Variants in TMEM62 observed in about 807,000 individuals in gnomAD.
The protein encoded by TMEM62 is transmembrane protein 62.
In TMEM62, 41 loss-of-function variants were observed where a neutral mutation model predicts 70.4. That is an observed-to-expected ratio of 0.58 (90% CI 0.45 to 0.76). TMEM62 has a LOEUF of 0.76. TMEM62 is among the 30% of genes least tolerant of loss of function. The pLI, the probability that TMEM62 is intolerant of heterozygous loss-of-function variation, is 0.00. For synonymous variants in TMEM62, 268 were observed against 291.0 expected, an observed-to-expected ratio of 0.92 and a Z score of 0.80; for missense variants, 688 against 788.5, an observed-to-expected ratio of 0.87 and a Z score of 1.53.
intron 9 of TMEM62, among the ~76,000 whole-genome samples, chr15:43,158,265 AT>A (rs1372588688): frequency 6.6e-6 from 1 of 152,110 alleles, no homozygotes; most frequent in Non-Finnish European, 1.5e-5. Context: ...TCTTTCTATA[AT>A]GTTAAGATGG....
chr15:43,168,181 G>GA (rs1350209396), intron 10 of TMEM62, among the ~76,000 whole-genome samples: 1 of 114,346 alleles, frequency 8.7e-6, no homozygotes. Context: ...GACGGAGACG[G>GA]AGAGGGAGAG....
chr15:43,160,648 T>C (rs2038587494), intron 9 of TMEM62, 33 bp from the exon 10 acceptor site: 1 of 1,204,530 alleles, frequency 8.3e-7, no homozygotes, highest in South Asian at 1.3e-5. Context: ...TCCATGTACA[T>C]GAAAGTTACT....
intron 10 of TMEM62, among the ~76,000 whole-genome samples, chr15:43,167,871 C>T (rs992914263): frequency 1.3e-5 from 2 of 152,128 alleles, no homozygotes; most frequent in Admixed American, 6.5e-5. Context: ...TCTGCAATCC[C>T]GGCACCTCGG....
rs548169021 is a variant in TMEM62, at chr15:43,177,155, C to T, written c.1382-1452C>T. 1.3e-4 allele frequency among the ~76,000 whole-genome samples: 20 copies of T among 152,032 alleles called. No individual in the cohort carries two copies. In the South Asian group the frequency reaches 1.9e-3, roughly 14 times the overall value. The stretch of plus-strand genomic sequence containing the variant: ...TTAGAGAAAAAAGAATAAAAAGAAA[C>T]GAGCAAAGCCTCCAAGAAATATGGG... On this transcript the variant is annotated intron_variant, in intron 11 of 13. Transcript: ENST00000260403.
chr15:43,184,579 G>A lies in TMEM62; in HGVS notation c.1925G>A (p.Ser642Asn), dbSNP rs889602284. The A allele has an allele frequency of 7.5e-6, 12 of 1,608,672 alleles. No homozygotes were observed. The highest frequency in any genetic ancestry group is 1.7e-5 in the Admixed American group (1 of 59,996). The change falls in exon 14 of 14, where the codon AGC becomes AAC. Residue 642 changes from serine to asparagine, a missense_variant. Ser to Asn is a conservative substitution (Grantham distance 46). Coordinates refer to ENST00000260403, the MANE Select transcript of TMEM62 (RefSeq NM_024956.4). ...ATGGTGCAGTTAAAAAGCCACCTGA[G>A]CTCCTGAAGGCCATGTCTCACCACT... The part of the protein sequence containing the change: ...IFMVQLKSHL[S>N]S
chr15:43,144,073 T>C (rs2036383834), intron 4 of TMEM62, among the ~76,000 whole-genome samples: 1 of 152,200 alleles, frequency 6.6e-6, no homozygotes, highest in Non-Finnish European at 1.5e-5. Context: ...ATAATCACTA[T>C]GAGAAATTAG....
rs2034705731 is a variant in TMEM62, at chr15:43,133,672, C to G, written c.-131C>G. 4 of 634,094 alleles carry G rather than the reference C, an allele frequency of 6.3e-6. No individual in the cohort carries two copies. The Admixed American group carries it at 1.3e-4, about 21-fold the overall frequency. The allele number at this position is 634,094 out of a possible 1,614,324, so 39.3% of individuals were successfully genotyped here. On this transcript the variant is annotated 5_prime_UTR_variant, in exon 1 of 14. The change creates a new upstream start codon in the 5' untranslated region. Transcript: ENST00000260403. ...CCAGTGTCTGGCTCCAGCCCCGCAT[C>G]CGGCGCCGGCCCCGCATCCAGCTCT...
At chr15:43,154,982 CT>C (rs2141745528) in intron 9 of TMEM62, 151 bp downstream of exon 9, 5 of 676,014 alleles carry the variant, frequency 7.4e-6, no homozygotes, top group Middle Eastern at 4.3e-4. Context: ...AATCCCAGCA[CT>C]TTGGGAGGCC....
intron 12 of TMEM62, 148 bp from the exon 13 acceptor site, chr15:43,181,033 C>G: frequency 1.5e-6 from 1 of 657,278 alleles, no homozygotes; most frequent in Non-Finnish European, 2.7e-6. Flanking sequence ...AACACAGAGA[C>G]TAGCAAAGAG....
intron 10 of TMEM62, among the ~76,000 whole-genome samples, chr15:43,167,884 G>T (rs1174155184): frequency 6.6e-6 from 1 of 152,164 alleles, no homozygotes; most frequent in Non-Finnish European, 1.5e-5. Flanking sequence ...CACCTCGGGA[G>T]GCCGAGGCTG....
At chr15:43,141,850 G>A (rs537905772) in intron 4 of TMEM62, among the ~76,000 whole-genome samples, 2 of 152,330 alleles carry the variant, frequency 1.3e-5, no homozygotes, top group East Asian at 3.9e-4. Flanking sequence ...AGACTTCAGT[G>A]GAGGAAGAAC....
chr15:43,154,872 T>G lies in TMEM62; in HGVS notation c.1182+41T>G, dbSNP rs750567363. ...ATATTTACTATGTAAATGATTAAGC[T>G]GTAGCCACAATGAATTCTGGTTTGG... On this transcript the variant is annotated intron_variant, in intron 9 of 13. Coordinates refer to ENST00000260403, the MANE Select transcript of TMEM62 (RefSeq NM_024956.4). 24 of 1,491,898 alleles carry G rather than the reference T, an allele frequency of 1.6e-5. No individual in the cohort carries two copies. The Admixed American group carries it at 5.5e-4, about 34-fold the overall frequency. The allele number at this position is 1,491,898 out of a possible 1,614,324, so 92.4% of individuals were successfully genotyped here.
At chr15:43,160,872 G>A in intron 10 of TMEM62, 78 bp downstream of exon 10, 1 of 699,986 alleles carries the variant, frequency 1.4e-6, no homozygotes, top group Non-Finnish European at 2.2e-6. Context: ...CCTTATCCAT[G>A]ATTTCACTTT....
intron 3 of TMEM62, among the ~76,000 whole-genome samples, chr15:43,136,861 A>G (rs534092425): frequency 2.1e-3 from 313 of 151,920 alleles, no homozygotes; most frequent in South Asian, 4.0e-3. Context: ...TGATCCTCCC[A>G]CCTCAGCCCC....
chr15:43,135,628 C>A lies in TMEM62; in HGVS notation c.409C>A (p.Leu137Met). The change falls in exon 3 of 14, where the codon CTG (leucine) becomes ATG (methionine). Residue 137 changes from leucine to methionine, a missense_variant. By Grantham distance (15) the Leu-to-Met change is conservative (BLOSUM62 2). Transcript: ENST00000260403. ...AAGAGTCATGGAAAAAACCAAGTGG[C>A]TGGATATCAAAGGAAATCATGGTAA... is the stretch of plus-strand genomic sequence containing the variant. ...KTRVMEKTKW[L>M]DIKGNHDAFN... The A allele has an allele frequency of 6.3e-7, 1 of 1,596,958 alleles. No individual in the cohort carries two copies. Among genetic ancestry groups the A allele is most frequent in the Non-Finnish European group, 8.5e-7 (1 of 1,175,794 alleles).
intron 4 of TMEM62, among the ~76,000 whole-genome samples, chr15:43,142,133 A>G (rs561781144): frequency 6.6e-6 from 1 of 151,470 alleles, no homozygotes; most frequent in East Asian, 1.9e-4. Context: ...GTAAAATGCT[A>G]TCAAGCAGCA....
intron 10 of TMEM62, among the ~76,000 whole-genome samples, chr15:43,168,758 C>T (rs1326915872): frequency 1.3e-5 from 2 of 152,216 alleles, no homozygotes; most frequent in Non-Finnish European, 2.9e-5. Context: ...TTTCCACTGG[C>T]TCTGAGCCCA....
upstream of TMEM62, chr15:43,133,172 T>A: frequency 6.6e-6 from 1 of 152,250 alleles, no homozygotes; most frequent in Non-Finnish European, 1.5e-5. Flanking sequence ...ACTGCATTCC[T>A]GCCTGGGGGA....
chr15:43,161,892 C>A (rs1050453060), intron 10 of TMEM62, among the ~76,000 whole-genome samples: 1 of 152,012 alleles, frequency 6.6e-6, no homozygotes, highest in South Asian at 2.1e-4. Context: ...GAACTCCTGA[C>A]CTCAGGCAAT....
Sources: allele counts gnomAD v4.1 joint callset (sites outside exome capture counted in the v4.1 genomes callset), GRCh38; gene constraint gnomAD v4.1.1; transcripts MANE v1.5; gene names NCBI Gene and HGNC (gene_info 2026-07-23, HGNC 2026-07-21).